The following PRKG2 variants were observed in gnomAD, a reference collection of about 807,000 sequenced individuals.
PRKG2 encodes cGMP-dependent protein kinase 2.
Under a neutral mutation model 97.2 loss-of-function variants are expected in PRKG2, and 33 were observed. The ratio of observed to expected loss-of-function variants is 0.34; its 90% confidence interval spans 0.26 to 0.45. The LOEUF (loss-of-function observed/expected upper bound fraction) is 0.45. PRKG2 is among the 20% of genes least tolerant of loss of function. The probability of loss-of-function intolerance (pLI) is 1.00; values close to 1 mark genes in which losing one functional copy is unlikely to be tolerated. For missense variants in PRKG2, 638 were observed against 900.0 expected (o/e 0.71, Z 3.73); for synonymous variants, 330 against 321.8 (o/e 1.03, Z -0.27).
chr4:81,182,822 A>T (rs1751534390), intron 2 of PRKG2, among the ~76,000 whole-genome samples: 1 of 152,128 alleles, frequency 6.6e-6, no homozygotes, highest in Admixed American at 6.5e-5. Context: ...ATTATATCTA[A>T]CAAAGATAAG....
intron 12 of PRKG2, among the ~76,000 whole-genome samples, chr4:81,139,781 C>CAA (rs548249378): frequency 0.017 from 1,265 of 75,292 alleles, 35 homozygotes; most frequent in African/African-American, 0.045. Context: ...TCTCAAAAGA[C>CAA]AAAAAAAAAA....
chr4:81,095,909 T>A (rs1374926698), intron 17 of PRKG2, among the ~76,000 whole-genome samples: 1 of 152,172 alleles, frequency 6.6e-6, no homozygotes, highest in African/African-American at 2.4e-5. Flanking sequence ...AAAGTTATGT[T>A]TAAACTAAAC....
At position 81,089,365 on chromosome 4, in the gene PRKG2, A is replaced by G. The variant is rs897520221; in HGVS notation, c.*343T>C. 4.5e-5 allele frequency: 8 copies of G among 176,544 alleles called. No individual in the cohort carries two copies. Among genetic ancestry groups the G allele is most frequent in the Non-Finnish European group, 7.1e-5 (6 of 84,550 alleles). 10.9% of individuals were successfully genotyped at this position (176,544 alleles called of 1,614,324 possible). ...GGCAAGACCCTTTTTAAACGTTAGT[A>G]GTACTCAAACGAGAAGGATATGATT... On this transcript the variant is annotated 3_prime_UTR_variant, in exon 19 of 19. Transcript: ENST00000264399.
chr4:81,120,430 C>T (rs533111575), intron 14 of PRKG2, among the ~76,000 whole-genome samples: 4 of 152,214 alleles, frequency 2.6e-5, no homozygotes, highest in South Asian at 4.2e-4. Flanking sequence ...GTCTTTCAAT[C>T]GATGAACATG....
intron 14 of PRKG2, among the ~76,000 whole-genome samples, chr4:81,118,682 A>G (rs562237640): frequency 6.6e-6 from 1 of 152,278 alleles, no homozygotes; most frequent in African/African-American, 2.4e-5. Flanking sequence ...ATATATTTTT[A>G]TAATAATCCT....
At chr4:81,194,563 T>C (rs890212985) in intron 2 of PRKG2, among the ~76,000 whole-genome samples, 1 of 152,324 alleles carries the variant, frequency 6.6e-6, no homozygotes, top group East Asian at 1.9e-4. Flanking sequence ...AATTTAATTC[T>C]GTTGGCTGTT....
rs1741315614 is a variant in PRKG2, at chr4:81,089,210, T to G, written c.*498A>C. ...GCAGGTGAAAGTCAGGAGGTTCTGT[T>G]GGCTACCATGGTTTCTGCAAACCAC... On this transcript the variant is annotated 3_prime_UTR_variant, in exon 19 of 19. Coordinates refer to ENST00000264399, the MANE Select transcript of PRKG2 (RefSeq NM_006259.3). 6.6e-6 allele frequency: 1 copy of G among 152,362 alleles called. No individual in the cohort carries two copies. The highest frequency in any genetic ancestry group is 1.5e-5 in the Non-Finnish European group (1 of 68,168). 9.4% of individuals were successfully genotyped at this position (152,362 alleles called of 1,614,324 possible). A position where few individuals can be genotyped will look rare whatever the true frequency, so the allele number is the denominator to read the frequency against.
At chr4:81,110,777 G>GACAGACAGACA (rs1450401980) in intron 14 of PRKG2, among the ~76,000 whole-genome samples, 166 bp from the exon 15 acceptor site, 1,805 of 85,576 alleles carry the variant, frequency 0.021, 38 homozygotes, top group African/African-American at 0.052. Flanking sequence ...ACAGACAGAC[G>GACAGACAGACA]GACAGACAGA....
intron 8 of PRKG2, among the ~76,000 whole-genome samples, chr4:81,149,570 A>G (rs1271893819): frequency 6.6e-6 from 1 of 152,170 alleles, no homozygotes; most frequent in Non-Finnish European, 1.5e-5. Flanking sequence ...AGTGCATCTT[A>G]TAATTGACAT....
chr4:81,161,693 G>A (rs1749602609), intron 6 of PRKG2, among the ~76,000 whole-genome samples: 1 of 152,126 alleles, frequency 6.6e-6, no homozygotes, highest in African/African-American at 2.4e-5. Flanking sequence ...CTCAGAACCA[G>A]TGATGGCATG....
chr4:81,193,242 A>T (rs1023204738), intron 2 of PRKG2: 1 of 152,188 alleles, frequency 6.6e-6, no homozygotes, highest in African/African-American at 2.4e-5. Context: ...AACATATGGT[A>T]AGGCATATTT....
At chr4:81,137,661 T>C (rs1746845300) in intron 12 of PRKG2, among the ~76,000 whole-genome samples, 179 bp from the exon 13 acceptor site, 1 of 152,234 alleles carries the variant, frequency 6.6e-6, no homozygotes, top group Non-Finnish European at 1.5e-5. Flanking sequence ...GCCTTGCTTC[T>C]GCTCCTGTGG....
intron 1 of PRKG2, among the ~76,000 whole-genome samples, chr4:81,210,266 G>GA (rs57051776): frequency 4.1e-4 from 60 of 145,226 alleles, no homozygotes; most frequent in African/African-American, 1.0e-3. Context: ...CTTCTGCTCT[G>GA]AAAAAAAAAA....
intron 9 of PRKG2, among the ~76,000 whole-genome samples, chr4:81,146,078 A>G (rs1266886164): frequency 1.3e-5 from 2 of 152,194 alleles, no homozygotes; most frequent in Admixed American, 6.5e-5. Context: ...CAGGATGGCT[A>G]TGAATTTTCT....
chr4:81,104,338 A>T, intron 17 of PRKG2, 32 bp downstream of exon 17: 1 of 1,464,320 alleles, frequency 6.8e-7, no homozygotes, highest in Non-Finnish European at 9.3e-7. Context: ...CTAAATTTCT[A>T]TATTTTTCTG....
intron 14 of PRKG2, among the ~76,000 whole-genome samples, chr4:81,126,167 G>A (rs778569766): frequency 8.5e-5 from 13 of 152,114 alleles, no homozygotes; most frequent in Non-Finnish European, 1.6e-4. Context: ...TGAGAATGAC[G>A]GTTTCCAGCT....
chr4:81,174,867 T>C lies in PRKG2; in HGVS notation c.554A>G (p.Tyr185Cys), dbSNP rs1750788705. Reference sequence around the variant, plus strand: ...ACTCCCTTGCTGATAGTTTCTCCCATACATGCATTCCACCATGTCTTTGAT... The same window carrying C: ...ACTCCCTTGCTGATAGTTTCTCCCACACATGCATTCCACCATGTCTTTGAT... ...QQIKDMVECM[Y>C]GRNYQQGSYI... The change falls in exon 3 of 19, where the codon TAT (tyrosine) becomes TGT (cysteine). Residue 185 changes from tyrosine (Y) to cysteine (C), a missense_variant. Coordinates refer to ENST00000264399, the MANE Select transcript of PRKG2 (RefSeq NM_006259.3). The C allele has an allele frequency of 1.2e-6, 2 of 1,613,118 alleles. No homozygotes were observed. Among genetic ancestry groups the C allele is most frequent in the South Asian group, 1.1e-5 (1 of 91,002 alleles).
At chr4:81,193,585 A>G (rs1242844078) in intron 2 of PRKG2, among the ~76,000 whole-genome samples, 1 of 152,124 alleles carries the variant, frequency 6.6e-6, no homozygotes, top group African/African-American at 2.4e-5. Flanking sequence ...CACACCTGTA[A>G]TCCCAGCACT....
chr4:81,188,176 G>GA (rs2110107015), intron 2 of PRKG2, among the ~76,000 whole-genome samples: 1 of 151,712 alleles, frequency 6.6e-6, no homozygotes, highest in Non-Finnish European at 1.5e-5. Context: ...AAATTTACAA[G>GA]AAAAAAACAA....
Sources: gnomAD v4.1 joint callset for allele counts (sites outside exome capture counted in the v4.1 genomes callset) on GRCh38, gnomAD v4.1.1 for gene constraint, MANE v1.5 for transcripts, NCBI Gene and HGNC (gene_info 2026-07-23, HGNC 2026-07-21) for gene names.